Variants in NPR3 observed in about 807,000 individuals in gnomAD.
The protein encoded by NPR3 is atrial natriuretic peptide receptor 3.
In NPR3, 34 loss-of-function variants were observed where a neutral mutation model predicts 54.5. The observed-to-expected ratio is 0.62, with a 90% CI of 0.47 to 0.83. The LOEUF (loss-of-function observed/expected upper bound fraction) is 0.83, where lower values mean the gene tolerates loss of function less well. Among genes scored for constraint, NPR3 ranks in the 40% least tolerant of loss-of-function variants. The pLI is 0.00. For synonymous variants in NPR3, 289 were observed against 297.1 expected (o/e 0.97, Z 0.28); for missense variants, 674 against 720.8 (o/e 0.94, Z 0.74).
chr5:32,691,313 T>C (rs929577982), intron 1 of NPR3, among the ~76,000 whole-genome samples: 1 of 152,242 alleles, frequency 6.6e-6, no homozygotes, highest in Non-Finnish European at 1.5e-5. Context: ...TTGGACACTA[T>C]GCATCAATTT....
At chr5:32,723,292 G>C (rs1222246279) in intron 1 of NPR3, among the ~76,000 whole-genome samples, 1 of 152,108 alleles carries the variant, frequency 6.6e-6, no homozygotes, top group African/African-American at 2.4e-5. Flanking sequence ...AAATAGACTG[G>C]GTAATGGTCA....
intron 1 of NPR3, among the ~76,000 whole-genome samples, chr5:32,700,664 G>A (rs1250516154): frequency 1.3e-5 from 2 of 151,544 alleles, no homozygotes; most frequent in Non-Finnish European, 2.9e-5. Flanking sequence ...TTCTGTCCTT[G>A]TGATAGTTTG....
At chr5:32,725,376 C>T (rs1739087306) in intron 2 of NPR3, among the ~76,000 whole-genome samples, 1 of 152,228 alleles carries the variant, frequency 6.6e-6, no homozygotes. Context: ...AACACTCCTA[C>T]AGCTTCTCAA....
At position 32,711,794 on chromosome 5, in the gene NPR3, G is replaced by A; in HGVS notation, c.18G>A (p.Val6=). Residue 6 remains valine (V), a synonymous_variant, in exon 1 of 8, where the codon GTG becomes GTA. Coordinates refer to ENST00000265074, the MANE Select transcript of NPR3 (RefSeq NM_001204375.2). MPSLL[V]LTFSPCVLLG... ...GCGGCACGATGCCGTCTCTGCTGGT[G>A]CTCACTTTCTCCCCGTGCGTACTAC... is the stretch of plus-strand genomic sequence containing the variant. 7.0e-7 allele frequency: 1 copy of A among 1,433,320 alleles called. No individual in the cohort carries two copies. Among genetic ancestry groups the A allele is most frequent in the Non-Finnish European group, 9.2e-7 (1 of 1,092,456 alleles). 88.8% of individuals were successfully genotyped at this position (1,433,320 alleles called of 1,614,324 possible). A position where few individuals can be genotyped will look rare whatever the true frequency, so the allele number is the denominator to read the frequency against.
chr5:32,716,265 TGA>T (rs1185241369), intron 1 of NPR3: 10 of 340,630 alleles, frequency 2.9e-5, no homozygotes, highest in African/African-American at 1.5e-4. Flanking sequence ...ACAAGGTTTA[TGA>T]GGAGAAAAAG....
intron 1 of NPR3, among the ~76,000 whole-genome samples, chr5:32,699,183 T>C (rs1579568122): frequency 6.6e-6 from 1 of 152,332 alleles, no homozygotes; most frequent in East Asian, 1.9e-4. Flanking sequence ...ACAAATAATA[T>C]AACCCACTTA....
At chr5:32,735,601 C>A (rs963273273) in intron 2 of NPR3, among the ~76,000 whole-genome samples, 1 of 152,068 alleles carries the variant, frequency 6.6e-6, no homozygotes, top group Admixed American at 6.6e-5. Flanking sequence ...TGGATTACTG[C>A]GGCTGTGAAC....
At chr5:32,768,226 G>T (rs1214045297) in intron 3 of NPR3, among the ~76,000 whole-genome samples, 43 of 152,158 alleles carry the variant, frequency 2.8e-4, no homozygotes, top group Admixed American at 2.8e-3. Flanking sequence ...TGTCTGGCTG[G>T]CACTGGTGAA....
upstream of NPR3, among the ~76,000 whole-genome samples, chr5:32,704,771 G>C (rs952015780): frequency 6.6e-6 from 1 of 152,236 alleles, no homozygotes; most frequent in Non-Finnish European, 1.5e-5. Flanking sequence ...GCTGGCGTTT[G>C]CACATGGCCC....
chr5:32,731,675 G>A (rs911546248), intron 2 of NPR3, among the ~76,000 whole-genome samples: 1 of 152,016 alleles, frequency 6.6e-6, no homozygotes, highest in Non-Finnish European at 1.5e-5. Flanking sequence ...TGTGGTGTTA[G>A]GTTTATAGAT....
chr5:32,728,827 GTGTGTGTGTGTATA>G (rs1263002829), intron 2 of NPR3, among the ~76,000 whole-genome samples: 10 of 81,144 alleles, frequency 1.2e-4, no homozygotes, highest in African/African-American at 4.4e-4. Flanking sequence ...GTGTGTGTGT[GTGTGTGTGTGTATA>G]TATATATATA....
chr5:32,767,306 C>G (rs886767290), intron 3 of NPR3, among the ~76,000 whole-genome samples: 1 of 152,214 alleles, frequency 6.6e-6, no homozygotes, highest in Non-Finnish European at 1.5e-5. Context: ...TTGACCCCAT[C>G]CACTGACCAA....
chr5:32,719,924 A>T (rs149654708), intron 1 of NPR3, among the ~76,000 whole-genome samples: 1 of 152,132 alleles, frequency 6.6e-6, no homozygotes, highest in East Asian at 1.9e-4. Context: ...CCATGCAGTG[A>T]TATCCCTCTT....
chr5:32,762,817 C>G (rs1326103382), intron 3 of NPR3, among the ~76,000 whole-genome samples: 1 of 152,154 alleles, frequency 6.6e-6, no homozygotes, highest in African/African-American at 2.4e-5. Flanking sequence ...TTTTGCTGTG[C>G]AGAAGGTCTT....
At chr5:32,708,779 C>A (rs1459854196), upstream of NPR3, among the ~76,000 whole-genome samples, 1 of 152,182 alleles carries the variant, frequency 6.6e-6, no homozygotes, top group Non-Finnish European at 1.5e-5. Flanking sequence ...AATCCATACA[C>A]TTACATTACT....
In NPR3 at chr5:32,791,670, G is replaced by A. The variant is rs370230407; in HGVS notation, c.*5325G>A. On this transcript the variant is annotated 3_prime_UTR_variant, in exon 8 of 8. Coordinates refer to ENST00000265074, the MANE Select transcript of NPR3 (RefSeq NM_001204375.2). ...TGTTTCTATCAAGCAAGAATGCCAC[G>A]TACTCAGAGTATAACAATGTGTTCT... 4 of 166,642 alleles carry A rather than the reference G, an allele frequency of 2.4e-5. No individual in the cohort carries two copies. Among genetic ancestry groups the A allele is most frequent in the East Asian group, 3.8e-4 (2 of 5,198 alleles). 10.3% of individuals were successfully genotyped at this position (166,642 alleles called of 1,614,324 possible). A position where few individuals can be genotyped will look rare whatever the true frequency, so the allele number is the denominator to read the frequency against.
intron 4 of NPR3, among the ~76,000 whole-genome samples, chr5:32,775,166 A>T (rs1741979158): frequency 6.6e-6 from 1 of 152,222 alleles, no homozygotes; most frequent in Non-Finnish European, 1.5e-5. Flanking sequence ...TTTTAAAACC[A>T]GTATTAATCC....
chr5:32,773,966 A>G (rs1434345392), intron 3 of NPR3, among the ~76,000 whole-genome samples: 1 of 152,234 alleles, frequency 6.6e-6, no homozygotes, highest in Non-Finnish European at 1.5e-5. Context: ...GTTTATGTTT[A>G]TGAAACTTTA....
At position 32,791,717 on chromosome 5, in the gene NPR3, G is replaced by C. The variant is rs970334993; in HGVS notation, c.*5372G>C. 3 of 164,738 alleles carry C rather than the reference G, an allele frequency of 1.8e-5. No homozygotes were observed. Among genetic ancestry groups the C allele is most frequent in the Non-Finnish European group, 2.9e-5 (2 of 68,088 alleles). 10.2% of individuals were successfully genotyped at this position (164,738 alleles called of 1,614,324 possible). On this transcript the variant is annotated 3_prime_UTR_variant, in exon 8 of 8. Coordinates refer to ENST00000265074, the MANE Select transcript of NPR3 (RefSeq NM_001204375.2). ...TTCTCATTAAAAAATACATCCCACG[G>C]AAACCTCTTCCTGTTTATAATTCAA... is the stretch of plus-strand genomic sequence containing the variant.
Sources: allele counts gnomAD v4.1 joint callset (sites outside exome capture counted in the v4.1 genomes callset), GRCh38; gene constraint gnomAD v4.1.1; transcripts MANE v1.5; gene names NCBI Gene and HGNC (gene_info 2026-07-23, HGNC 2026-07-21).